Variants in ALK observed in about 807,000 individuals in gnomAD.
ALK encodes the protein ALK receptor tyrosine kinase.
In ALK, 74 loss-of-function variants were observed where a neutral mutation model predicts 163.1. The ratio of observed to expected loss-of-function variants is 0.45; its 90% CI spans 0.38 to 0.55. ALK has a LOEUF of 0.55. Ranked by LOEUF, ALK falls within the 20% of genes least tolerant of loss-of-function variation. ALK has a pLI of 0.00. For missense variants in ALK, 2,063 were observed against 2,105.3 expected (o/e 0.98, Z 0.39); for synonymous variants, 960 against 843.2 (o/e 1.14, Z -2.40).
intron 1 of ALK, among the ~76,000 whole-genome samples, chr2:29,752,088 A>G (rs1680379673): frequency 6.6e-6 from 1 of 152,176 alleles, no homozygotes; most frequent in Non-Finnish European, 1.5e-5. Context: ...AGACGTTCTG[A>G]ACTTATGATG....
chr2:29,576,321 T>C (rs1323302047), intron 3 of ALK, among the ~76,000 whole-genome samples: 1 of 152,330 alleles, frequency 6.6e-6, no homozygotes, highest in East Asian at 1.9e-4. Flanking sequence ...CATGAGCCTC[T>C]CCTTCCTGCC....
At chr2:29,454,831 C>T (rs926443639) in intron 4 of ALK, among the ~76,000 whole-genome samples, 2 of 152,078 alleles carry the variant, frequency 1.3e-5, no homozygotes, top group African/African-American at 4.8e-5. Context: ...GCAATTGATA[C>T]ATATAGTTAA....
At chr2:29,480,432 A>T (rs924221790) in intron 4 of ALK, among the ~76,000 whole-genome samples, 11 of 152,352 alleles carry the variant, frequency 7.2e-5, no homozygotes, top group East Asian at 3.9e-4. Context: ...TATTTTAAAA[A>T]CAATGAAAAT....
intron 1 of ALK, among the ~76,000 whole-genome samples, chr2:29,908,470 TCCAAGA>T (rs1408744785): frequency 6.6e-6 from 1 of 152,236 alleles, no homozygotes; most frequent in East Asian, 1.9e-4. Flanking sequence ...CTGCACTCTC[TCCAAGA>T]CCCTATTCTC....
intron 9 of ALK, among the ~76,000 whole-genome samples, chr2:29,281,844 G>A (rs1206254437): frequency 2.0e-5 from 3 of 152,192 alleles, no homozygotes; most frequent in Non-Finnish European, 4.4e-5. Context: ...GCTCACGTAC[G>A]ACTCAGAAAA....
At chr2:29,414,922 GT>G (rs76332793) in intron 4 of ALK, among the ~76,000 whole-genome samples, 38,420 of 151,710 alleles carry the variant, frequency 0.25, 5,030 homozygotes, top group African/African-American at 0.3. Context: ...AAGAAGGGAG[GT>G]TTATCAAATC....
chr2:29,423,910 G>A, intron 4 of ALK, among the ~76,000 whole-genome samples: 1 of 152,140 alleles, frequency 6.6e-6, no homozygotes, highest in East Asian at 1.9e-4. Context: ...GATAAGCCTA[G>A]CATTTTCTTT....
At chr2:29,547,111 C>T (rs2148171421) in intron 3 of ALK, among the ~76,000 whole-genome samples, 1 of 152,318 alleles carries the variant, frequency 6.6e-6, no homozygotes, top group Admixed American at 6.5e-5. Context: ...GGCAAGATGG[C>T]TAGGCTGAGT....
At chr2:29,899,537 AC>A (rs35584974) in intron 1 of ALK, 1 of 151,940 alleles carries the variant, frequency 6.6e-6, no homozygotes, top group Admixed American at 6.6e-5. Context: ...GAAATACCAC[AC>A]CCCTAGGGCT....
At chr2:29,353,955 C>T (rs1448743949) in intron 5 of ALK, among the ~76,000 whole-genome samples, 2 of 152,196 alleles carry the variant, frequency 1.3e-5, no homozygotes, top group Non-Finnish European at 2.9e-5. Context: ...ACATAGCTGA[C>T]ACTTTTAACA....
At chr2:29,626,608 T>C (rs1458199945) in intron 3 of ALK, among the ~76,000 whole-genome samples, 1 of 152,120 alleles carries the variant, frequency 6.6e-6, no homozygotes, top group Non-Finnish European at 1.5e-5. Context: ...GGGATTTGCG[T>C]CCTGTAATAA....
intron 4 of ALK, among the ~76,000 whole-genome samples, chr2:29,432,760 G>C (rs563179097): frequency 1.4e-5 from 2 of 142,222 alleles, no homozygotes; most frequent in African/African-American, 5.2e-5. Context: ...TTTTTAAACC[G>C]ATGGATCCAT....
chr2:29,581,522 C>T (rs1035805903), intron 3 of ALK, among the ~76,000 whole-genome samples: 16 of 152,222 alleles, frequency 1.1e-4, no homozygotes, highest in Admixed American at 6.5e-5. Flanking sequence ...AGGACCACTT[C>T]GTCATATCCA....
chr2:29,685,593 C>G (rs925353764), intron 3 of ALK, among the ~76,000 whole-genome samples: 2 of 152,094 alleles, frequency 1.3e-5, no homozygotes, highest in Non-Finnish European at 2.9e-5. Flanking sequence ...CATCAGTCCT[C>G]TGAGCCTTGT....
intron 3 of ALK, among the ~76,000 whole-genome samples, chr2:29,625,128 G>A (rs918241087): frequency 2.0e-5 from 3 of 152,196 alleles, no homozygotes; most frequent in African/African-American, 7.2e-5. Context: ...TCAAGGAAGA[G>A]CATCTGTAGC....
intron 22 of ALK, among the ~76,000 whole-genome samples, chr2:29,222,099 C>T (rs1041125677): frequency 6.6e-6 from 1 of 152,202 alleles, no homozygotes; most frequent in African/African-American, 2.4e-5. Flanking sequence ...AGCAGGGATA[C>T]TGGTTGCAGA....
intron 3 of ALK, among the ~76,000 whole-genome samples, chr2:29,644,207 A>T (rs1289428927): frequency 8.1e-6 from 1 of 123,228 alleles, no homozygotes; most frequent in African/African-American, 3.1e-5. Context: ...ATGAGAACAC[A>T]TGGACACAGG....
chr2:29,482,993 C>T (rs779878181), intron 4 of ALK, among the ~76,000 whole-genome samples: 12 of 152,154 alleles, frequency 7.9e-5, no homozygotes, highest in Non-Finnish European at 1.3e-4. Context: ...GCTATTCCTA[C>T]GCAGTTATTG....
intron 8 of ALK, among the ~76,000 whole-genome samples, chr2:29,316,858 A>T (rs1350469919): frequency 6.6e-6 from 1 of 152,264 alleles, no homozygotes; most frequent in African/African-American, 2.4e-5. Flanking sequence ...CTAGTAGGAT[A>T]GCATAGCCTA....
Sources: gnomAD v4.1 joint callset for allele counts (sites outside exome capture counted in the v4.1 genomes callset) on GRCh38, gnomAD v4.1.1 for gene constraint, MANE v1.5 for transcripts, NCBI Gene and HGNC (gene_info 2026-07-23, HGNC 2026-07-21) for gene names.